Variants in VIPR2 observed in about 807,000 individuals in gnomAD.
VIPR2 encodes the protein vasoactive intestinal peptide receptor 2.
A neutral mutation model predicts 58.0 loss-of-function variants in VIPR2; 48 were observed. The ratio of observed to expected loss-of-function variants is 0.83; its 90% CI spans 0.66 to 1.05. VIPR2 has a LOEUF of 1.05. Ranked by LOEUF, VIPR2 falls within the 50% of genes least tolerant of loss-of-function variation. The pLI, the probability that VIPR2 is intolerant of heterozygous loss-of-function variation, is 0.00. For synonymous variants in VIPR2, 243 were observed against 235.2 expected (o/e 1.03, Z -0.30); for missense variants, 534 against 558.0 (o/e 0.96, Z 0.43).
intron 4 of VIPR2, among the ~76,000 whole-genome samples, chr7:159,089,450 T>G (rs577821658): frequency 6.6e-6 from 1 of 151,672 alleles, no homozygotes; most frequent in African/African-American, 2.4e-5. Context: ...GGAATGGGAA[T>G]AGCCTCAGGC....
Position 159,030,601 on chromosome 7 carries a change from C to T in VIPR2, c.*15G>A. On this transcript the variant is annotated 3_prime_UTR_variant, in exon 13 of 13. Coordinates refer to ENST00000262178, the MANE Select transcript of VIPR2 (RefSeq NM_003382.5). ...ACCGTGGGCCTCCCGCCGCGTCCGA[C>T]AGGCAGGGGTGGGGCTAGATGACCG... is the stretch of plus-strand genomic sequence containing the variant. 6.6e-7 allele frequency: 1 copy of T among 1,515,992 alleles called. No homozygotes were observed. The allele number at this position is 1,515,992 out of a possible 1,614,324, so 93.9% of individuals were successfully genotyped here. A position where few individuals can be genotyped will look rare whatever the true frequency, so the allele number is the denominator to read the frequency against.
intron 3 of VIPR2, among the ~76,000 whole-genome samples, chr7:159,109,122 GCTTT>G (rs1159059466): frequency 2.0e-5 from 3 of 152,188 alleles, no homozygotes; most frequent in African/African-American, 4.8e-5. Flanking sequence ...AAAGTATTAT[GCTTT>G]CTGTTTCCAG....
chr7:159,133,294 G>A (rs1256734356), intron 2 of VIPR2, among the ~76,000 whole-genome samples: 34 of 152,390 alleles, frequency 2.2e-4, no homozygotes, highest in East Asian at 1.5e-3. Context: ...CCCTAAACAC[G>A]GCCCACGGTC....
rs539419145 is a variant in VIPR2 at position 159,128,346 on chromosome 7, G to A, written c.151+14100C>T. 6.6e-6 allele frequency among the ~76,000 whole-genome samples: 1 copy of A among 152,276 alleles called. No individual in the cohort carries two copies. The highest frequency in any genetic ancestry group is 2.4e-5 in the African/African-American group (1 of 41,568). ...ACCACCCTGGAGCAGTTCTGAGCCT[G>A]CAGTGGTCTCCTTGTGCCCCCAGGT... On this transcript the variant is annotated intron_variant, in intron 2 of 12. Transcript: ENST00000262178. The surrounding 1 kb of genome is among the most constrained non-coding windows in gnomAD (Gnocchi z 4.1).
chr7:159,106,295 C>T (rs1258256073), intron 3 of VIPR2, among the ~76,000 whole-genome samples: 1 of 152,282 alleles, frequency 6.6e-6, no homozygotes, highest in African/African-American at 2.4e-5. Flanking sequence ...GATTCCCTCA[C>T]AGGTTCTTTA....
intron 2 of VIPR2, among the ~76,000 whole-genome samples, chr7:159,138,978 T>C (rs1051453091): frequency 6.6e-6 from 1 of 152,158 alleles, no homozygotes; most frequent in Non-Finnish European, 1.5e-5. Context: ...TGATGCCATC[T>C]CCTCTGGGCA....
At chr7:159,112,810 C>T (rs1343716244) in intron 2 of VIPR2, among the ~76,000 whole-genome samples, 2 of 149,354 alleles carry the variant, frequency 1.3e-5, no homozygotes, top group African/African-American at 4.9e-5. Context: ...AGAGCCCCGA[C>T]TGTGAAGAGG....
At chr7:159,115,951 T>TGG in intron 2 of VIPR2, among the ~76,000 whole-genome samples, 1 of 152,116 alleles carries the variant, frequency 6.6e-6, no homozygotes, top group Middle Eastern at 3.4e-3. Flanking sequence ...AGGCAGCAGG[T>TGG]GTGAGGCATC....
At chr7:159,129,147 ACAGGGCTGG>A (rs1563351671) in intron 2 of VIPR2, among the ~76,000 whole-genome samples, 3,215 of 100,324 alleles carry the variant, frequency 0.032, 93 homozygotes, top group African/African-American at 0.11. Context: ...TCTGGGGGGG[ACAGGGCTGG>A]GGGGACAGGG....
chr7:159,040,725 A>C (rs1361310064), intron 6 of VIPR2, among the ~76,000 whole-genome samples: 1 of 152,160 alleles, frequency 6.6e-6, no homozygotes, highest in Admixed American at 6.5e-5. Context: ...ATTCAACTGG[A>C]AGGAAAGCTA....
chr7:159,085,571 A>G (rs1218826715), intron 4 of VIPR2, among the ~76,000 whole-genome samples: 1 of 152,256 alleles, frequency 6.6e-6, no homozygotes, highest in Admixed American at 6.5e-5. Flanking sequence ...CTGGGATTAC[A>G]GGCGTGGGCC....
intron 9 of VIPR2, 110 bp downstream of exon 9, chr7:159,034,471 G>T: frequency 7.5e-7 from 1 of 1,331,722 alleles, no homozygotes; most frequent in Non-Finnish European, 1.1e-6. Flanking sequence ...CGGGAAGGCT[G>T]AGTGATGCGT....
At chr7:159,132,619 A>G (rs1392486302) in intron 2 of VIPR2, among the ~76,000 whole-genome samples, 38 of 152,198 alleles carry the variant, frequency 2.5e-4, no homozygotes, top group Non-Finnish European at 4.3e-4. Flanking sequence ...AAATGGGTGC[A>G]GCTCAGGGGG....
At chr7:159,116,825 A>G (rs1796255458) in intron 2 of VIPR2, 1 of 155,776 alleles carries the variant, frequency 6.4e-6, no homozygotes, top group South Asian at 2.0e-4. Context: ...GGAGGAACCT[A>G]CAGGAACCTG....
At chr7:159,067,326 G>T (rs921052438) in intron 4 of VIPR2, among the ~76,000 whole-genome samples, 4 of 152,346 alleles carry the variant, frequency 2.6e-5, no homozygotes, top group Admixed American at 6.5e-5. Context: ...TGCAGCTATA[G>T]GATTTATTCC....
At chr7:159,106,766 CAGAGAGGCCGGGGAGGTAGAG>C (rs1483583882) in intron 3 of VIPR2, among the ~76,000 whole-genome samples, 7 of 100,730 alleles carry the variant, frequency 6.9e-5, no homozygotes, top group South Asian at 3.5e-4. Flanking sequence ...TGGGTAGGGG[CAGAGAGGCCGGGGAGGTAGAG>C]AGAGAGGCCG....
In VIPR2 at chr7:159,058,562, A is replaced by G; in HGVS notation, c.374T>C (p.Leu125Pro). ...GCCCAGTGTATAAATGGCCTTCACC[A>G]GAATATAAAACGTGATCTACAAAGA... Reference protein sequence around the residue: ...EDESKITFYILVKAIYTLGYS... With the variant: ...EDESKITFYIPVKAIYTLGYS... Residue 125 changes from leucine to proline, a missense_variant, in exon 5 of 13, where the codon CTG becomes CCG. Physicochemically the swap from Leu to Pro is moderately conservative, Grantham distance 98 (BLOSUM62 -3). Coordinates refer to ENST00000262178, the MANE Select transcript of VIPR2 (RefSeq NM_003382.5). 4 of 1,611,784 alleles carry G rather than the reference A, an allele frequency of 2.5e-6. No individual in the cohort carries two copies. Among genetic ancestry groups the G allele is most frequent in the Non-Finnish European group, 3.4e-6 (4 of 1,177,988 alleles).
intron 2 of VIPR2, among the ~76,000 whole-genome samples, chr7:159,117,685 C>T (rs113327015): frequency 1.3e-5 from 2 of 152,252 alleles, no homozygotes; most frequent in South Asian, 4.1e-4. Flanking sequence ...CCACATGCAA[C>T]TCCACAGAGA....
Position 159,098,733 on chromosome 7 carries a change from T to G in VIPR2, c.357+5024A>C, listed in dbSNP as rs559552143. Among the ~76,000 whole-genome samples the G allele has an allele frequency of 6.0e-4, 91 of 152,342 alleles. No homozygotes were observed. The highest frequency in any genetic ancestry group is 2.5e-3 in the Admixed American group (39 of 15,304). ...CACATGTAGCCAAGTCTGTGGCTTC[T>G]GTGGAGGCTAATTTTTTTTCTCGAA... On this transcript the variant is annotated intron_variant, in intron 4 of 12. Transcript: ENST00000262178. This position sits in a 1 kb window ranked among gnomAD's most constrained non-coding sequence, Gnocchi z 5.2.
Sources: gnomAD v4.1 joint callset for allele counts (sites outside exome capture counted in the v4.1 genomes callset) on GRCh38, gnomAD v4.1.1 for gene constraint, Gnocchi (gnomAD v3.1) non-coding constraint, MANE v1.5 for transcripts, NCBI Gene and HGNC (gene_info 2026-07-23, HGNC 2026-07-21) for gene names.